Variants in LPA observed in about 807,000 individuals in gnomAD.
LPA encodes the protein lipoprotein(a), also known as apolipoprotein(a).
Under a neutral mutation model 197.9 loss-of-function variants are expected in LPA, and 199 were observed. That is an observed-to-expected ratio of 1.01 (90% CI 0.90 to 1.13). The LOEUF (loss-of-function observed/expected upper bound fraction) is 1.13. LPA is among the 50% of genes most tolerant of loss of function. LPA has a pLI of 0.00. For synonymous variants in LPA, 715 were observed against 639.5 expected, an observed-to-expected ratio of 1.12 and a Z score of -1.78; for missense variants, 1,853 against 1,785.8, an observed-to-expected ratio of 1.04 and a Z score of -0.68.
At chr6:160,657,046 G>C (rs930106028) in intron 1 of LPA, among the ~76,000 whole-genome samples, 5 of 152,130 alleles carry the variant, frequency 3.3e-5, no homozygotes, top group Non-Finnish European at 5.9e-5. Flanking sequence ...GCCAACACTT[G>C]GCCCCTGCCA....
intron 1 of LPA, 141 bp from the exon 2 acceptor site, chr6:160,650,638 A>T (rs915190619): frequency 1.3e-6 from 1 of 746,744 alleles, no homozygotes; most frequent in East Asian, 2.6e-5. Context: ...ACAGACGTGC[A>T]AAAAACCAAA....
intron 22 of LPA, among the ~76,000 whole-genome samples, chr6:160,593,735 AC>A (rs2115047045): frequency 6.6e-6 from 1 of 152,276 alleles, no homozygotes; most frequent in East Asian, 1.9e-4. Context: ...AGAACTCACC[AC>A]CTTCAAATAT....
chr6:160,591,402 T>C (rs1481758633), intron 22 of LPA, among the ~76,000 whole-genome samples: 4 of 152,212 alleles, frequency 2.6e-5, no homozygotes, highest in Admixed American at 1.3e-4. Flanking sequence ...CTGCCAAATA[T>C]GTTACTTTGG....
intron 28 of LPA, among the ~76,000 whole-genome samples, chr6:160,576,367 C>CATATAT (rs1158223888): frequency 1.3e-5 from 1 of 78,012 alleles, no homozygotes; most frequent in Non-Finnish European, 2.5e-5. Context: ...TATATATATA[C>CATATAT]ATATATATAT....
At chr6:160,606,786 A>G in intron 16 of LPA, 128 bp from the exon 17 acceptor site, 3 of 1,412,114 alleles carry the variant, frequency 2.1e-6, no homozygotes, top group South Asian at 1.2e-5. Flanking sequence ...AAAGTACCAT[A>G]TGATTGCCAC....
At chr6:160,604,521 T>A (rs771299103) in intron 18 of LPA, among the ~76,000 whole-genome samples, 1 of 152,192 alleles carries the variant, frequency 6.6e-6, no homozygotes, top group Admixed American at 6.5e-5. Context: ...GCCATTTTTA[T>A]TCTCTAACAA....
rs932631509 is a variant in LPA, at chr6:160,580,396, T to C, written c.4290-1692A>G. Among the ~76,000 whole-genome samples, 7 of 152,346 alleles carry C rather than the reference T, an allele frequency of 4.6e-5. No individual in the cohort carries two copies. In the East Asian group the frequency reaches 9.6e-4, roughly 21 times the overall value. ...ATTTATATAGATTTTTGTGGACTTA[T>C]GTTTTCATTTTGGGGGGTAAATATT... On this transcript the variant is annotated intron_variant, in intron 26 of 38. Transcript: ENST00000316300.
chr6:160,605,259 T>C, intron 17 of LPA, 54 bp from the exon 18 acceptor site: 1 of 1,601,792 alleles, frequency 6.2e-7, no homozygotes. Flanking sequence ...GAGACAAACA[T>C]GTGAAGCCAC....
intron 12 of LPA, among the ~76,000 whole-genome samples, chr6:160,620,653 AT>A (rs1231131603): frequency 5.0e-5 from 5 of 100,450 alleles, no homozygotes; most frequent in East Asian, 2.9e-4. Context: ...CGATTCTGTG[AT>A]TTTTTTTAAT....
chr6:160,601,714 T>A (rs1466656275), intron 18 of LPA, among the ~76,000 whole-genome samples: 4 of 152,168 alleles, frequency 2.6e-5, no homozygotes, highest in Non-Finnish European at 5.9e-5. Flanking sequence ...GTGGGTCAAG[T>A]GGGTTTCTTT....
chr6:160,595,093 T>G (rs543300893), intron 21 of LPA, among the ~76,000 whole-genome samples: 1 of 152,238 alleles, frequency 6.6e-6, no homozygotes, highest in Admixed American at 6.5e-5. Flanking sequence ...AATGATCCTT[T>G]GAATAACCAG....
rs192425087 is a variant in LPA at position 160,611,218 on chromosome 6, T to C, written c.2603+344A>G. 3.0e-3 allele frequency among the ~76,000 whole-genome samples: 452 copies of C among 151,952 alleles called. 1 individual carries two copies. Among genetic ancestry groups the C allele is most frequent in the Non-Finnish European group, 5.0e-3 (342 of 67,798 alleles). Reference sequence around the variant, plus strand: ...CAATCTTCCCTTCAGGAATTGGAAGTCAGAATAACGGAATTCCAACTGGAA... The same window carrying C: ...CAATCTTCCCTTCAGGAATTGGAAGCCAGAATAACGGAATTCCAACTGGAA... On this transcript the variant is annotated intron_variant, in intron 16 of 38. Transcript: ENST00000316300.
intron 2 of LPA, among the ~76,000 whole-genome samples, chr6:160,647,524 G>A (rs569510815): frequency 2.6e-5 from 4 of 152,308 alleles, no homozygotes; most frequent in South Asian, 4.1e-4. Context: ...GCAACTGGAT[G>A]TACTAAGAGC....
intron 28 of LPA, among the ~76,000 whole-genome samples, chr6:160,560,847 T>G (rs1032305507): frequency 3.3e-5 from 5 of 152,210 alleles, no homozygotes; most frequent in Non-Finnish European, 7.3e-5. Context: ...AGTCATGAAG[T>G]CTTCTCCCAT....
At chr6:160,649,974 G>T (rs1046735824) in intron 2 of LPA, among the ~76,000 whole-genome samples, 1 of 152,142 alleles carries the variant, frequency 6.6e-6, no homozygotes, top group Admixed American at 6.5e-5. Context: ...AGACAGAAAA[G>T]GCCAACACAA....
At chr6:160,539,419 G>A (rs1017177253) in intron 36 of LPA, among the ~76,000 whole-genome samples, 1 of 150,818 alleles carries the variant, frequency 6.6e-6, no homozygotes, top group African/African-American at 2.4e-5. Context: ...ATTATTATTT[G>A]CATTTGTAAA....
chr6:160,537,009 G>A (rs1777904987), intron 37 of LPA, among the ~76,000 whole-genome samples: 1 of 152,188 alleles, frequency 6.6e-6, no homozygotes, highest in Admixed American at 6.5e-5. Flanking sequence ...AACGTGTCTA[G>A]TTCAGGTCTA....
At chr6:160,548,016 A>G (rs965059345) in intron 31 of LPA, 79 bp from the exon 32 acceptor site, 5 of 1,461,096 alleles carry the variant, frequency 3.4e-6, no homozygotes, top group Middle Eastern at 1.8e-4. Context: ...TACAGAATCA[A>G]TGCAGTCATG....
chr6:160,582,651 G>A (rs762353597), intron 26 of LPA, among the ~76,000 whole-genome samples: 4 of 152,000 alleles, frequency 2.6e-5, no homozygotes, highest in Admixed American at 6.6e-5. Context: ...TAATTATGAT[G>A]TGTCCAAATA....
Sources: gnomAD v4.1 joint callset for allele counts (sites outside exome capture counted in the v4.1 genomes callset) on GRCh38, gnomAD v4.1.1 for gene constraint, MANE v1.5 for transcripts, NCBI Gene and HGNC (gene_info 2026-07-23, HGNC 2026-07-21) for gene names.